The following FGD2 variants were observed in gnomAD, a reference collection of about 807,000 sequenced individuals.
FGD2 encodes FYVE, RhoGEF and PH domain-containing protein 2.
A neutral mutation model predicts 75.9 loss-of-function variants in FGD2; 52 were observed. That is an observed-to-expected ratio of 0.69 (90% confidence interval 0.55 to 0.86). FGD2 has a LOEUF of 0.86. Ranked by LOEUF, FGD2 falls within the 40% of genes least tolerant of loss-of-function variation. The pLI is 0.00. For missense variants in FGD2, 790 were observed against 872.0 expected, an observed-to-expected ratio of 0.91 and a Z score of 1.18; for synonymous variants, 347 against 348.6, an observed-to-expected ratio of 1.00 and a Z score of 0.05.
In FGD2 at chr6:37,011,893, G is replaced by C. The variant is rs58465444; in HGVS notation, c.527+39G>C. On this transcript the variant is annotated intron_variant, in intron 4 of 15. Transcript: ENST00000274963. ...GGAGCCCCTGAGGCCTCAGACCACA[G>C]CCCTGGCCAGGTGGAGGTGGGGAGA... 1.3e-3 allele frequency: 2,152 copies of C among 1,600,320 alleles called. 27 individuals carry two copies. The African/African-American group carries it at 0.027, about 20-fold the overall frequency.
intron 13 of FGD2, chr6:37,022,879 C>A (rs555654341): frequency 6.4e-6 from 1 of 156,828 alleles, no homozygotes; most frequent in East Asian, 1.9e-4. Flanking sequence ...CTGGCCCTCA[C>A]AGCACACCTC....
intron 15 of FGD2, 32 bp downstream of exon 15, chr6:37,027,607 G>C (rs1438745229): frequency 6.2e-7 from 1 of 1,612,408 alleles, no homozygotes; most frequent in Admixed American, 1.7e-5. Flanking sequence ...CCCCCGTCAG[G>C]CCCTGGCCTT....
At position 37,005,673 on chromosome 6, in the gene FGD2, G is replaced by A. The variant is rs1329269753; in HGVS notation, c.-145G>A. ...TTTCTTCACTCTGAAGCCAAGAGCC[G>A]ACCTTCTGAGCCCTCAAGAAAGATC... On this transcript the variant is annotated 5_prime_UTR_variant, in exon 1 of 16. Transcript: ENST00000274963. 11 of 843,442 alleles carry A rather than the reference G, an allele frequency of 1.3e-5. No homozygotes were observed. In the African/African-American group the frequency reaches 1.4e-4, roughly 10 times the overall value. The allele number at this position is 843,442 out of a possible 1,614,324, so 52.2% of individuals were successfully genotyped here.
chr6:37,015,747 T>A, intron 8 of FGD2, 21 bp from the exon 9 acceptor site: 4 of 1,567,146 alleles, frequency 2.6e-6, no homozygotes, highest in Non-Finnish European at 3.5e-6. Flanking sequence ...CACGGGCCAC[T>A]CACGCCTGTG....
At chr6:37,017,458 G>T (rs1005996123) in intron 9 of FGD2, among the ~76,000 whole-genome samples, 1 of 152,242 alleles carries the variant, frequency 6.6e-6, no homozygotes, top group East Asian at 1.9e-4. Flanking sequence ...TCAGATGCAG[G>T]TGTAACAAAG....
chr6:37,013,384 T>A, intron 4 of FGD2: 1 of 1,319,106 alleles, frequency 7.6e-7, no homozygotes, highest in Non-Finnish European at 9.8e-7. Context: ...CCGGGCCTTG[T>A]GGATGAGGCC....
chr6:37,008,808 C>A, intron 1 of FGD2, 26 bp from the exon 2 acceptor site: 1 of 1,520,938 alleles, frequency 6.6e-7, no homozygotes. Context: ...AGGGAGGAAG[C>A]CCTCAGGTCT....
At chr6:37,014,780 T>A (rs1765196441) in intron 7 of FGD2, 76 bp downstream of exon 7, 1 of 1,609,388 alleles carries the variant, frequency 6.2e-7, no homozygotes, top group African/African-American at 1.3e-5. Flanking sequence ...ATGACACCTA[T>A]CCCACTGCTG....
chr6:37,016,325 T>C lies in FGD2; in HGVS notation c.1122+465T>C, dbSNP rs1278340709. ...ATGAAATGAGACATATCCTGGGCAG[T>C]GTATGCTGATACTGTAGGAGCACAG... On this transcript the variant is annotated intron_variant, in intron 9 of 15. Coordinates refer to ENST00000274963, the MANE Select transcript of FGD2 (RefSeq NM_173558.4). Among the ~76,000 whole-genome samples the C allele has an allele frequency of 2.6e-5, 4 of 152,176 alleles. No individual in the cohort carries two copies. In the East Asian group the frequency reaches 7.7e-4, roughly 29 times the overall value.
chr6:37,028,074 G>A lies in FGD2; in HGVS notation c.1879G>A (p.Glu627Lys). Reference sequence around the variant, plus strand: ...CTACACCTTCAAGGCCGAGACGGAGGAGCTGAAGGGCCGCTGGGTGAAGGC... The same window carrying A: ...CTACACCTTCAAGGCCGAGACGGAGAAGCTGAAGGGCCGCTGGGTGAAGGC... ...QLYTFKAETE[E>K]LKGRWVKAME... The change falls in exon 16 of 16, where the codon GAG (glutamate) becomes AAG (lysine). Residue 627 changes from glutamate (E) to lysine (K), a missense_variant. Coordinates refer to ENST00000274963, the MANE Select transcript of FGD2 (RefSeq NM_173558.4). 2 of 1,613,764 alleles carry A rather than the reference G, an allele frequency of 1.2e-6. No homozygotes were observed. Among genetic ancestry groups the A allele is most frequent in the Non-Finnish European group, 8.5e-7 (1 of 1,180,014 alleles).
At position 37,011,689 on chromosome 6, in the gene FGD2, T is replaced by C; in HGVS notation, c.379-17T>C. ...CTCCCTGTCACTGCAGTGAGTGACC[T>C]GTCGTGGCGGCTACAGGTGTTTTTC... is the stretch of plus-strand genomic sequence containing the variant. On this transcript the variant is annotated splice_polypyrimidine_tract_variant and intron_variant, in intron 3 of 15. Coordinates refer to ENST00000274963, the MANE Select transcript of FGD2 (RefSeq NM_173558.4). 6.2e-7 allele frequency: 1 copy of C among 1,613,300 alleles called. No homozygotes were observed. Among genetic ancestry groups the C allele is most frequent in the Non-Finnish European group, 8.5e-7 (1 of 1,179,640 alleles).
At position 37,027,531 on chromosome 6, in the gene FGD2, C is replaced by A; in HGVS notation, c.1708C>A (p.Pro570Thr). 1 of 1,614,122 alleles carries A rather than the reference C, an allele frequency of 6.2e-7. No homozygotes were observed. The highest frequency in any genetic ancestry group is 1.1e-5 in the South Asian group (1 of 91,078). The change falls in exon 15 of 16, where the codon CCT (proline) becomes ACT (threonine). Residue 570 changes from proline to threonine, a missense_variant. By Grantham distance (38) the Pro-to-Thr change is conservative (BLOSUM62 -1). Transcript: ENST00000274963. ...CGGCCCCCGGGGCTGGTGTGTGATCCCTCGGGATGACCCCCTCGTGCTCTA... is the reference window on the plus strand; with the variant it reads ...CGGCCCCCGGGGCTGGTGTGTGATCACTCGGGATGACCCCCTCGTGCTCTA... ...KSGPRGWCVI[P>T]RDDPLVLYVY...
intron 2 of FGD2, 111 bp downstream of exon 2, chr6:37,009,176 A>AAC: frequency 9.5e-7 from 1 of 1,049,270 alleles, no homozygotes; most frequent in Non-Finnish European, 1.4e-6. Flanking sequence ...AGGTGGGGGT[A>AAC]TGGTGTGATC....
chr6:37,028,128 C>A lies in FGD2; in HGVS notation c.1933C>A (p.Pro645Thr), dbSNP rs757246009. 16 of 1,605,564 alleles carry A rather than the reference C, an allele frequency of 1.0e-5. No homozygotes were observed. Among genetic ancestry groups the A allele is most frequent in the Non-Finnish European group, 1.3e-5 (15 of 1,176,230 alleles). ...AMERAASGWS[P>T]SWPNDGDLSD Reference sequence around the variant, plus strand: ...GGAGCGGGCGGCCAGTGGCTGGAGCCCCAGCTGGCCCAACGATGGGGACCT... The same window carrying A: ...GGAGCGGGCGGCCAGTGGCTGGAGCACCAGCTGGCCCAACGATGGGGACCT... Residue 645 changes from proline (P) to threonine (T), a missense_variant, in exon 16 of 16, where the codon CCC (proline) becomes ACC (threonine). Pro to Thr is a conservative substitution (Grantham distance 38, BLOSUM62 -1). Transcript: ENST00000274963.
chr6:37,027,839 G>A (rs1765902175), intron 15 of FGD2, 109 bp from the exon 16 acceptor site: 5 of 1,264,256 alleles, frequency 4.0e-6, no homozygotes, highest in Non-Finnish European at 5.5e-6. Context: ...CCCAACCCAT[G>A]GGGGTTTAGG....
Position 37,014,685 on chromosome 6 carries a change from A to T in FGD2, c.863A>T (p.Asn288Ile), listed in dbSNP as rs777924662. 1.9e-6 allele frequency: 3 copies of T among 1,613,988 alleles called. No homozygotes were observed. Among genetic ancestry groups the T allele is most frequent in the Non-Finnish European group, 2.5e-6 (3 of 1,179,958 alleles). The change falls in exon 7 of 16, where the codon AAT becomes ATT. Residue 288 changes from asparagine (N) to isoleucine (I), a missense_variant. Physicochemically the swap from Asn to Ile is moderately radical, Grantham distance 149. Coordinates refer to ENST00000274963, the MANE Select transcript of FGD2 (RefSeq NM_173558.4). ...DMIFSAAQHS[N>I]AAITEMERLQ... Reference sequence around the variant, plus strand: ...ATCTTCTCAGCTGCCCAGCACTCCAATGCAGCCATCACTGAGATGGTAAGC... The same window carrying T: ...ATCTTCTCAGCTGCCCAGCACTCCATTGCAGCCATCACTGAGATGGTAAGC...
In FGD2 at chr6:37,015,185, A is replaced by G. The variant is rs1765224338; in HGVS notation, c.1029+147A>G. On this transcript the variant is annotated intron_variant, in intron 8 of 15. Coordinates refer to ENST00000274963, the MANE Select transcript of FGD2 (RefSeq NM_173558.4). ...TCTGTCTTTTTCTGCTTTGGCACCC[A>G]GATGACTTTGGACAGGTCACCTGCT... 7.6e-6 allele frequency: 9 copies of G among 1,180,616 alleles called. No individual in the cohort carries two copies. The Admixed American group carries it at 2.6e-4, about 34-fold the overall frequency. 73.1% of individuals were successfully genotyped at this position (1,180,616 alleles called of 1,614,324 possible).
rs969505518 is a variant in FGD2 at position 37,016,874 on chromosome 6, T to A, written c.1122+1014T>A. On this transcript the variant is annotated intron_variant, in intron 9 of 15. Transcript: ENST00000274963. Reference sequence around the variant, plus strand: ...TTTAAAAATATTTTAATTTTACTACTTAAAAAATACAGATTATACACATTC... The same window carrying A: ...TTTAAAAATATTTTAATTTTACTACATAAAAAATACAGATTATACACATTC... Among the ~76,000 whole-genome samples, 24 of 152,084 alleles carry A rather than the reference T, an allele frequency of 1.6e-4. 2 individuals are homozygous for A.
At chr6:37,024,613 C>T (rs980168104) in intron 13 of FGD2, 4 of 151,636 alleles carry the variant, frequency 2.6e-5, no homozygotes, top group Admixed American at 6.6e-5. Context: ...ATTTGTCTGT[C>T]GGTAGGAAAT....
Sources: allele counts gnomAD v4.1 joint callset (sites outside exome capture counted in the v4.1 genomes callset), GRCh38; gene constraint gnomAD v4.1.1; transcripts MANE v1.5; gene names NCBI Gene and HGNC (gene_info 2026-07-23, HGNC 2026-07-21).